The following PAN3 variants were observed in gnomAD, a reference collection of about 807,000 sequenced individuals.
PAN3 encodes poly(A) specific ribonuclease subunit PAN3, also known as PAN2-PAN3 deadenylation complex subunit PAN3.
In PAN3, 19 loss-of-function variants were observed where a neutral mutation model predicts 96.2. The observed-to-expected ratio is 0.20, with a 90% confidence interval of 0.14 to 0.29. PAN3 has a LOEUF of 0.29. Among genes scored for constraint, PAN3 ranks in the 10% least tolerant of loss-of-function variants. PAN3 has a pLI of 1.00. For synonymous variants in PAN3, 433 were observed against 406.6 expected, an observed-to-expected ratio of 1.06 and a Z score of -0.78; for missense variants, 882 against 1,108.1, an observed-to-expected ratio of 0.80 and a Z score of 2.90.
rs528478522 is a variant in PAN3, at chr13:28,237,835, CAG to C, written c.1000+17460_1000+17461del. On this transcript the variant is annotated intron_variant, in intron 6 of 18. Coordinates refer to ENST00000380958, the MANE Select transcript of PAN3 (RefSeq NM_175854.8). Reference sequence around the variant, plus strand: ...ATGTGCATTTAAACAAAGATTATTGCAGAGTCACTACCTTCCTAATAAAAAAC... The same window carrying C: ...ATGTGCATTTAAACAAAGATTATTGCAGTCACTACCTTCCTAATAAAAAAC... 3.7e-4 allele frequency among the ~76,000 whole-genome samples: 57 copies of C among 152,220 alleles called. 1 individual carries two copies. Among genetic ancestry groups the C allele is most frequent in the African/African-American group, 9.9e-4 (41 of 41,530 alleles).
chr13:28,228,384 AAACCCCC>A (rs913184840), intron 6 of PAN3, among the ~76,000 whole-genome samples: 62 of 152,252 alleles, frequency 4.1e-4, no homozygotes, highest in African/African-American at 1.5e-3. Context: ...GGCCTTTTTC[AAACCCCC>A]AATGCATATA....
At chr13:28,165,435 A>C (rs1873415338) in intron 1 of PAN3, among the ~76,000 whole-genome samples, 1 of 151,910 alleles carries the variant, frequency 6.6e-6, no homozygotes, top group Non-Finnish European at 1.5e-5. Context: ...ATTTCTTTTA[A>C]AAATTTGAAA....
chr13:28,259,456 C>T (rs1019866377), intron 7 of PAN3, among the ~76,000 whole-genome samples: 10 of 151,884 alleles, frequency 6.6e-5, no homozygotes, highest in African/African-American at 2.4e-4. Context: ...CAGGTGCATG[C>T]CACCACACCC....
chr13:28,140,057 G>T (rs1029896460), intron 1 of PAN3, among the ~76,000 whole-genome samples: 2 of 152,040 alleles, frequency 1.3e-5, no homozygotes, highest in South Asian at 2.1e-4. Context: ...AAGCGATTCT[G>T]TTGCCTCTGC....
chr13:28,201,513 T>C (rs1016958179), intron 5 of PAN3, among the ~76,000 whole-genome samples: 4 of 152,022 alleles, frequency 2.6e-5, no homozygotes, highest in African/African-American at 9.7e-5. Flanking sequence ...GTCGCTGCAC[T>C]CCAGCCTGGG....
chr13:28,244,155 G>A (rs1482711831), intron 6 of PAN3, among the ~76,000 whole-genome samples: 1 of 152,100 alleles, frequency 6.6e-6, no homozygotes, highest in African/African-American at 2.4e-5. Flanking sequence ...ATGATTTTAA[G>A]AACTGTAGGT....
intron 1 of PAN3, among the ~76,000 whole-genome samples, chr13:28,153,297 G>A (rs956101674): frequency 5.5e-5 from 8 of 144,606 alleles, no homozygotes; most frequent in Non-Finnish European, 8.9e-5. Flanking sequence ...GTGCAATGGC[G>A]CGATCTCGGC....
At chr13:28,203,103 C>G (rs1246835472) in intron 5 of PAN3, among the ~76,000 whole-genome samples, 2 of 151,824 alleles carry the variant, frequency 1.3e-5, no homozygotes, top group Non-Finnish European at 1.5e-5. Context: ...GCTGGGACCA[C>G]AGGTGTGTGC....
chr13:28,273,053 T>C (rs2138679246), intron 14 of PAN3, among the ~76,000 whole-genome samples: 1 of 152,358 alleles, frequency 6.6e-6, no homozygotes, highest in East Asian at 1.9e-4. Flanking sequence ...AACACTTGTC[T>C]GACTACCAGT....
chr13:28,139,166 G>T, intron 1 of PAN3, 79 bp downstream of exon 1: 4 of 1,234,078 alleles, frequency 3.2e-6, no homozygotes, highest in Non-Finnish European at 4.1e-6. Context: ...GCCGACGGGA[G>T]CTGAGCACGG....
intron 4 of PAN3, among the ~76,000 whole-genome samples, chr13:28,193,502 G>A (rs1011073882): frequency 1.3e-5 from 2 of 152,084 alleles, no homozygotes; most frequent in African/African-American, 4.8e-5. Context: ...AGCACTTTGG[G>A]AGGCCAAGAC....
intron 1 of PAN3, among the ~76,000 whole-genome samples, chr13:28,155,340 A>G (rs543140501): frequency 5.3e-5 from 8 of 152,290 alleles, no homozygotes; most frequent in African/African-American, 1.9e-4. Context: ...CTGTAATCCC[A>G]GCACTTCGGG....
At chr13:28,205,482 A>G (rs1053564932) in intron 5 of PAN3, among the ~76,000 whole-genome samples, 3 of 152,118 alleles carry the variant, frequency 2.0e-5, no homozygotes, top group African/African-American at 7.2e-5. Context: ...AAGGGAGAAA[A>G]AAGGTCATTA....
chr13:28,261,285 A>G, intron 8 of PAN3, 116 bp from the exon 9 acceptor site: 1 of 581,640 alleles, frequency 1.7e-6, no homozygotes, highest in Non-Finnish European at 2.9e-6. Context: ...AAATGATTTT[A>G]ATATTTAAAA....
rs1881259516 is a variant in PAN3, at chr13:28,220,245, T to C, written c.867T>C (p.Thr289=). 1 of 1,613,084 alleles carries C rather than the reference T, an allele frequency of 6.2e-7. No homozygotes were observed. Among genetic ancestry groups the C allele is most frequent in the Non-Finnish European group, 8.5e-7 (1 of 1,179,424 alleles). The change falls in exon 6 of 19, where the codon ACT becomes ACC. Residue 289 remains threonine, a synonymous_variant. Transcript: ENST00000380958. ...TENNLQTPNP[T]ASEFIPKGGS... is the part of the protein sequence containing the mutation. ...TTTTTAAATAGACACCAAATCCTAC[T>C]GCAAGCGAGTTTATTCCTAAAGGAG... is the stretch of plus-strand genomic sequence containing the variant.
chr13:28,158,755 G>C (rs902370202), intron 1 of PAN3, among the ~76,000 whole-genome samples: 1 of 152,038 alleles, frequency 6.6e-6, no homozygotes, highest in Non-Finnish European at 1.5e-5. Flanking sequence ...GTGGGCGCCT[G>C]TAGTCCCAGC....
chr13:28,264,900 A>G (rs1886031214), intron 9 of PAN3, among the ~76,000 whole-genome samples: 1 of 152,192 alleles, frequency 6.6e-6, no homozygotes, highest in Non-Finnish European at 1.5e-5. Flanking sequence ...AACCAGTGCC[A>G]TAGCGAATTG....
intron 4 of PAN3, among the ~76,000 whole-genome samples, chr13:28,179,612 G>A (rs1003060071): frequency 6.6e-6 from 1 of 151,868 alleles, no homozygotes; most frequent in African/African-American, 2.4e-5. Flanking sequence ...GCTGAGGTGG[G>A]AGAGTCGTTT....
chr13:28,282,184 A>G (rs1053440264), intron 17 of PAN3, among the ~76,000 whole-genome samples: 2 of 152,232 alleles, frequency 1.3e-5, no homozygotes, highest in Non-Finnish European at 2.9e-5. Flanking sequence ...TTAACCATAT[A>G]TACATAAGCA....
Sources: allele counts gnomAD v4.1 joint callset (sites outside exome capture counted in the v4.1 genomes callset), GRCh38; gene constraint gnomAD v4.1.1; transcripts MANE v1.5; gene names NCBI Gene and HGNC (gene_info 2026-07-23, HGNC 2026-07-21).